TSPAN11: variants seen among roughly 807,000 people sequenced by gnomAD.
TSPAN11 encodes the protein tetraspanin-11.
In TSPAN11, 29 loss-of-function variants were observed where a neutral mutation model predicts 32.9. The ratio of observed to expected loss-of-function variants is 0.88; its 90% CI spans 0.66 to 1.20. The LOEUF is 1.20. Among genes scored for constraint, TSPAN11 ranks in the 50% most tolerant of loss-of-function variants. The pLI is 0.00. For missense variants in TSPAN11, 283 were observed against 329.1 expected, an observed-to-expected ratio of 0.86 and a Z score of 1.08; for synonymous variants, 140 against 141.3, an observed-to-expected ratio of 0.99 and a Z score of 0.07.
At chr12:30,955,514 TAAAA>T (rs1938461049) in intron 2 of TSPAN11, among the ~76,000 whole-genome samples, 1 of 152,158 alleles carries the variant, frequency 6.6e-6, no homozygotes, top group South Asian at 2.1e-4. Context: ...TATCGTAAAA[TAAAA>T]ATTGTTCTTA....
chr12:30,940,707 G>A (rs1277327706), intron 1 of TSPAN11, among the ~76,000 whole-genome samples: 1 of 152,156 alleles, frequency 6.6e-6, no homozygotes, highest in Non-Finnish European at 1.5e-5. Context: ...CAATGCGCAT[G>A]CCTACCTCAT....
chr12:31,008,357 G>A, the TSPAN11 span, among the ~76,000 whole-genome samples: 1 of 152,220 alleles, frequency 6.6e-6, no homozygotes, highest in African/African-American at 2.4e-5. Context: ...TTGTGGTACA[G>A]CCATGCCTGC....
intron 3 of TSPAN11, among the ~76,000 whole-genome samples, chr12:30,974,397 C>T (rs1938917419): frequency 6.6e-6 from 1 of 152,242 alleles, no homozygotes; most frequent in Non-Finnish European, 1.5e-5. Flanking sequence ...CTAGATACTC[C>T]TTTTGCCAAA....
chr12:30,956,719 C>T (rs998249737), intron 2 of TSPAN11, among the ~76,000 whole-genome samples: 4 of 148,882 alleles, frequency 2.7e-5, no homozygotes, highest in Admixed American at 1.3e-4. Flanking sequence ...TTTCCCCTAC[C>T]ATTTTCTTCC....
downstream of TSPAN11, among the ~76,000 whole-genome samples, chr12:31,000,944 T>G (rs1186864720): frequency 6.6e-6 from 1 of 152,196 alleles, no homozygotes; most frequent in Non-Finnish European, 1.5e-5. Context: ...ACAAAGGCTG[T>G]GCATCTCTCA....
chr12:30,936,938 G>A (rs1308851329), intron 1 of TSPAN11, among the ~76,000 whole-genome samples: 1 of 152,198 alleles, frequency 6.6e-6, no homozygotes, highest in Non-Finnish European at 1.5e-5. Flanking sequence ...GGAAGAGGAC[G>A]AGTCGATGAG....
At chr12:30,954,187 A>G in intron 2 of TSPAN11, 112 bp downstream of exon 2, 1 of 771,450 alleles carries the variant, frequency 1.3e-6, no homozygotes, top group Non-Finnish European at 2.3e-6. Flanking sequence ...TCAAAGATCA[A>G]CGATCAACCA....
At chr12:30,991,786 G>A in intron 7 of TSPAN11, 70 bp from the exon 8 acceptor site, 4 of 1,553,574 alleles carry the variant, frequency 2.6e-6, no homozygotes, top group South Asian at 1.1e-5. Flanking sequence ...CACTGCTCCA[G>A]GGCCCTGAGG....
At position 30,996,124 on chromosome 12, in the gene TSPAN11, A is replaced by G. The variant is rs938378068; in HGVS notation, c.*4209A>G. 10 of 152,208 alleles carry G rather than the reference A, an allele frequency of 6.6e-5. No homozygotes were observed. Among genetic ancestry groups the G allele is most frequent in the African/African-American group, 2.2e-4 (9 of 41,422 alleles). 9.4% of individuals were successfully genotyped at this position (152,208 alleles called of 1,614,324 possible). A position where few individuals can be genotyped will look rare whatever the true frequency, so the allele number is the denominator to read the frequency against. ...AAGCCTCTCTGCTGTGCGTCTGTGC[A>G]GTTCTTGTTCTTCCCTGGAGGACTC... is the stretch of plus-strand genomic sequence containing the variant. On this transcript the variant is annotated 3_prime_UTR_variant, in exon 8 of 8. Transcript: ENST00000546076.
chr12:30,940,314 A>G lies in TSPAN11; in HGVS notation c.-12+13518A>G, dbSNP rs951658129. 5.3e-5 allele frequency among the ~76,000 whole-genome samples: 8 copies of G among 152,090 alleles called. No homozygotes were observed. In the East Asian group the frequency reaches 1.3e-3, roughly 26 times the overall value. ...GGCTCCTTAATGCATTCCTTCCTTC[A>G]TTCATTCATTCATTCAGCATCCGAC... On this transcript the variant is annotated intron_variant, in intron 1 of 7. Coordinates refer to ENST00000546076, the MANE Select transcript of TSPAN11 (RefSeq NM_001370302.1).
chr12:31,007,496 C>G, the TSPAN11 span, among the ~76,000 whole-genome samples: 1 of 152,070 alleles, frequency 6.6e-6, no homozygotes, highest in Non-Finnish European at 1.5e-5. Flanking sequence ...CCATCATATC[C>G]CCTGGCTATT....
the TSPAN11 span, among the ~76,000 whole-genome samples, chr12:31,006,983 G>A: frequency 6.6e-6 from 1 of 152,166 alleles, no homozygotes; most frequent in African/African-American, 2.4e-5. Context: ...ACGCTGCTTA[G>A]GACCCATGGA....
At chr12:30,965,174 T>A (rs1338259888) in intron 3 of TSPAN11, among the ~76,000 whole-genome samples, 1 of 152,176 alleles carries the variant, frequency 6.6e-6, no homozygotes, top group African/African-American at 2.4e-5. Flanking sequence ...CCATGAGGCT[T>A]ATGGGGATCA....
chr12:30,967,457 CAG>C (rs1322422438), intron 3 of TSPAN11, among the ~76,000 whole-genome samples: 1 of 152,246 alleles, frequency 6.6e-6, no homozygotes. Flanking sequence ...GGGCTTGAGG[CAG>C]AGAGGGGCAC....
At position 30,935,585 on chromosome 12, in the gene TSPAN11, T is replaced by C. The variant is rs150191047; in HGVS notation, c.-12+8789T>C. Reference sequence around the variant, plus strand: ...TTTTAGTAGAGACGGGGTTTCACCATGTTGGCCAGGCTGGTCTTGAAGTCC... The same window carrying C: ...TTTTAGTAGAGACGGGGTTTCACCACGTTGGCCAGGCTGGTCTTGAAGTCC... On this transcript the variant is annotated intron_variant, in intron 1 of 7. Coordinates refer to ENST00000546076, the MANE Select transcript of TSPAN11 (RefSeq NM_001370302.1). 1.1e-4 allele frequency among the ~76,000 whole-genome samples: 16 copies of C among 152,244 alleles called. No individual in the cohort carries two copies. In the East Asian group the frequency reaches 1.5e-3, roughly 15 times the overall value.
intron 3 of TSPAN11, among the ~76,000 whole-genome samples, chr12:30,973,374 C>T (rs1222947144): frequency 6.6e-6 from 1 of 152,190 alleles, no homozygotes; most frequent in Non-Finnish European, 1.5e-5. Flanking sequence ...AGCTTGTACA[C>T]GTGGGCTGTT....
the TSPAN11 span, among the ~76,000 whole-genome samples, chr12:31,016,395 C>T: frequency 2.4e-4 from 37 of 151,416 alleles, no homozygotes; most frequent in East Asian, 7.8e-4. Context: ...ATGGTTTCCA[C>T]GGTAAATTTT....
At chr12:30,977,449 C>T (rs1938998431) in intron 3 of TSPAN11, among the ~76,000 whole-genome samples, 1 of 152,198 alleles carries the variant, frequency 6.6e-6, no homozygotes, top group Non-Finnish European at 1.5e-5. Flanking sequence ...GGTGGGCGGG[C>T]AGTGCCCGGG....
chr12:30,978,665 C>CT, intron 4 of TSPAN11, 30 bp downstream of exon 4: 1 of 1,609,886 alleles, frequency 6.2e-7, no homozygotes, highest in Non-Finnish European at 8.5e-7. Flanking sequence ...CCTGCATCCT[C>CT]TGTCAGTGTC....
Sources: allele counts gnomAD v4.1 joint callset (sites outside exome capture counted in the v4.1 genomes callset), GRCh38; gene constraint gnomAD v4.1.1; transcripts MANE v1.5; gene names NCBI Gene and HGNC (gene_info 2026-07-23, HGNC 2026-07-21).